Variants in MYT1 observed in about 807,000 individuals in gnomAD.
MYT1 encodes myelin transcription factor I.
In MYT1, 23 loss-of-function variants were observed where a neutral mutation model predicts 123.0. The ratio of observed to expected loss-of-function variants is 0.19; its 90% CI spans 0.13 to 0.26. The LOEUF is 0.26. Among genes scored for constraint, MYT1 ranks in the 10% least tolerant of loss-of-function variants. The pLI, the probability that MYT1 is intolerant of heterozygous loss-of-function variation, is 1.00. For missense variants in MYT1, 1,125 were observed against 1,472.5 expected, an observed-to-expected ratio of 0.76 and a Z score of 3.86; for synonymous variants, 518 against 575.3, an observed-to-expected ratio of 0.90 and a Z score of 1.43.
At chr20:64,181,376 C>T (rs1387014254) in intron 1 of MYT1, among the ~76,000 whole-genome samples, 2 of 152,162 alleles carry the variant, frequency 1.3e-5, no homozygotes, top group South Asian at 4.1e-4. Flanking sequence ...CCTCACTCAG[C>T]GTTTCCTCCG....
chr20:64,222,828 C>T lies in MYT1; in HGVS notation c.2397-283C>T, dbSNP rs535013689. Among the ~76,000 whole-genome samples the T allele has an allele frequency of 3.9e-4, 59 of 152,370 alleles. 2 individuals carry two copies. Among genetic ancestry groups the T allele is most frequent in the Middle Eastern group, 3.4e-3 (1 of 294 alleles). On this transcript the variant is annotated intron_variant, in intron 14 of 22. Coordinates refer to ENST00000328439, the MANE Select transcript of MYT1 (RefSeq NM_004535.3). The stretch of plus-strand genomic sequence containing the variant: ...GAAGGAGCTCCTCTGCCTAAATATT[C>T]GTGGGCACATACACGTGCACACACA...
rs902062554 is a variant in MYT1 at position 64,185,664 on chromosome 20, C to A, written c.-98-4399C>A. Among the ~76,000 whole-genome samples, 1 of 152,164 alleles carries A rather than the reference C, an allele frequency of 6.6e-6. No individual in the cohort carries two copies. The highest frequency in any genetic ancestry group is 1.5e-5 in the Non-Finnish European group (1 of 68,016). ...GGGATGCACCATGGGGGCAGGTGGG[C>A]TCAGGCCAGATTCCAGGCTACCGAG... is the stretch of plus-strand genomic sequence containing the variant. On this transcript the variant is annotated intron_variant, in intron 1 of 22. Transcript: ENST00000328439. The surrounding 1 kb of genome is among the most constrained non-coding windows in gnomAD (Gnocchi z 4.5).
Position 64,213,668 on chromosome 20 carries a change from A to T in MYT1, c.1631+21A>T, listed in dbSNP as rs1451235617. 1 of 1,600,808 alleles carries T rather than the reference A, an allele frequency of 6.2e-7. No homozygotes were observed. The highest frequency in any genetic ancestry group is 1.3e-5 in the African/African-American group (1 of 74,650). ...CTCAGGTGAGTGAGATGAGCCACAG[A>T]ACTGAAGAGGCTGCCTCCCAAATGC... On this transcript the variant is annotated intron_variant, in intron 10 of 22. Coordinates refer to ENST00000328439, the MANE Select transcript of MYT1 (RefSeq NM_004535.3). This position sits in a 1 kb window ranked among gnomAD's most constrained non-coding sequence, Gnocchi z 5.6.
chr20:64,169,918 C>T (rs546482121), intron 1 of MYT1, among the ~76,000 whole-genome samples: 95 of 152,230 alleles, frequency 6.2e-4, no homozygotes, highest in Non-Finnish European at 1.2e-3. Context: ...TGGTGTAGCT[C>T]GAATCTAAGA....
intron 1 of MYT1, among the ~76,000 whole-genome samples, chr20:64,165,930 C>G (rs1982066288): frequency 6.6e-6 from 1 of 151,922 alleles, no homozygotes; most frequent in Non-Finnish European, 1.5e-5. Flanking sequence ...CCTGGGGGGG[C>G]CCACTCGGTG....
intron 10 of MYT1, among the ~76,000 whole-genome samples, chr20:64,216,294 C>T (rs1321534212): frequency 6.6e-6 from 1 of 152,264 alleles, no homozygotes; most frequent in Non-Finnish European, 1.5e-5. Context: ...AGAAGCTCCT[C>T]TGTGCCTGTG....
rs901348046 is a variant in MYT1 at position 64,191,934 on chromosome 20, A to T, written c.-1+1774A>T. 1 of 152,176 alleles carries T rather than the reference A, an allele frequency of 6.6e-6. No homozygotes were observed. Among genetic ancestry groups the T allele is most frequent in the African/African-American group, 2.4e-5 (1 of 41,422 alleles). The allele number at this position is 152,176 out of a possible 1,614,324, so 9.4% of individuals were successfully genotyped here. The stretch of plus-strand genomic sequence containing the variant: ...CCTCACCCTACCCCAGATCCTGAGG[A>T]TTCACATAGCGCTGTACTGGCATGA... On this transcript the variant is annotated intron_variant, in intron 2 of 22. Coordinates refer to ENST00000328439, the MANE Select transcript of MYT1 (RefSeq NM_004535.3). This position sits in a 1 kb window ranked among gnomAD's most constrained non-coding sequence, Gnocchi z 4.1.
intron 22 of MYT1, 62 bp downstream of exon 22, chr20:64,239,965 G>C (rs1388935873): frequency 2.1e-5 from 33 of 1,587,430 alleles, no homozygotes; most frequent in Middle Eastern, 1.7e-4. Context: ...CGGAAAGCAG[G>C]AGGGCAGGGC....
In MYT1 at chr20:64,185,810, G is replaced by T. The variant is rs887825049; in HGVS notation, c.-98-4253G>T. On this transcript the variant is annotated intron_variant, in intron 1 of 22. Coordinates refer to ENST00000328439, the MANE Select transcript of MYT1 (RefSeq NM_004535.3). The surrounding 1 kb of genome is among the most constrained non-coding windows in gnomAD (Gnocchi z 4.5). The stretch of plus-strand genomic sequence containing the variant: ...GGCAGTGGGTCAGCCGGCAGCTGGG[G>T]TGTTAGCTCTGGGACAAGGGGGCTC... 1.3e-5 allele frequency among the ~76,000 whole-genome samples: 2 copies of T among 152,228 alleles called. No individual in the cohort carries two copies. The highest frequency in any genetic ancestry group is 6.5e-5 in the Admixed American group (1 of 15,282).
Position 64,185,482 on chromosome 20 carries a change from C to T in MYT1, c.-98-4581C>T, listed in dbSNP as rs984372264. On this transcript the variant is annotated intron_variant, in intron 1 of 22. Transcript: ENST00000328439. The surrounding 1 kb of genome is among the most constrained non-coding windows in gnomAD (Gnocchi z 4.5). ...CCTAGTGAAGACTGAAAACATGTGGCTTTCCACACTTACCACCTGGCCTCT... is the reference window on the plus strand; with the variant it reads ...CCTAGTGAAGACTGAAAACATGTGGTTTTCCACACTTACCACCTGGCCTCT... Among the ~76,000 whole-genome samples the T allele has an allele frequency of 6.6e-6, 1 of 152,240 alleles. No homozygotes were observed. The highest frequency in any genetic ancestry group is 2.4e-5 in the African/African-American group (1 of 41,456).
chr20:64,224,496 G>A (rs6011348), intron 16 of MYT1, among the ~76,000 whole-genome samples: 1 of 152,172 alleles, frequency 6.6e-6, no homozygotes, highest in Admixed American at 6.5e-5. Context: ...TGTGTCATGA[G>A]GCCCTTCAGT....
At chr20:64,226,580 C>T (rs1359017727) in intron 16 of MYT1, among the ~76,000 whole-genome samples, 1 of 152,160 alleles carries the variant, frequency 6.6e-6, no homozygotes, top group African/African-American at 2.4e-5. Flanking sequence ...GCAGGCCTGA[C>T]GGGGGATGGA....
intron 14 of MYT1, among the ~76,000 whole-genome samples, chr20:64,222,406 A>T (rs547695326): frequency 6.6e-6 from 1 of 152,352 alleles, no homozygotes; most frequent in East Asian, 1.9e-4. Flanking sequence ...CTGAGGCCGC[A>T]GCTGGGCACG....
At chr20:64,180,008 C>T (rs377598583) in intron 1 of MYT1, among the ~76,000 whole-genome samples, 75 of 151,612 alleles carry the variant, frequency 4.9e-4, no homozygotes, top group East Asian at 1.8e-3. Context: ...ACGCCACACA[C>T]GCTACACACA....
intron 16 of MYT1, among the ~76,000 whole-genome samples, chr20:64,224,095 TC>T (rs1479529998): frequency 6.6e-6 from 1 of 152,174 alleles, no homozygotes; most frequent in Non-Finnish European, 1.5e-5. Context: ...TTTTCATGCC[TC>T]CAGTTGTGCT....
chr20:64,203,677 A>G lies in MYT1; in HGVS notation c.87-1358A>G, dbSNP rs1302970847. Reference sequence around the variant, plus strand: ...CATGGCTGCTGTTGAGCCAGGGGATAGGGTAAGGCCTGGATTCTGCTGACG... The same window carrying G: ...CATGGCTGCTGTTGAGCCAGGGGATGGGGTAAGGCCTGGATTCTGCTGACG... On this transcript the variant is annotated intron_variant, in intron 4 of 22. Transcript: ENST00000328439. This position sits in a 1 kb window ranked among gnomAD's most constrained non-coding sequence, Gnocchi z 5.1. Among the ~76,000 whole-genome samples, 2 of 152,154 alleles carry G rather than the reference A, an allele frequency of 1.3e-5. No homozygotes were observed. The highest frequency in any genetic ancestry group is 4.8e-5 in the African/African-American group (2 of 41,448).
intron 10 of MYT1, among the ~76,000 whole-genome samples, chr20:64,215,227 G>A (rs1983802174): frequency 6.6e-6 from 1 of 152,158 alleles, no homozygotes; most frequent in African/African-American, 2.4e-5. Flanking sequence ...GCCAGGCAGG[G>A]GTGTCAAACA....
At position 64,218,812 on chromosome 20, in the gene MYT1, G is replaced by A. The variant is rs768985670; in HGVS notation, c.1847-99G>A. 2 of 1,529,928 alleles carry A rather than the reference G, an allele frequency of 1.3e-6. No individual in the cohort carries two copies. Among genetic ancestry groups the A allele is most frequent in the Non-Finnish European group, 1.8e-6 (2 of 1,113,288 alleles). The allele number at this position is 1,529,928 out of a possible 1,614,324, so 94.8% of individuals were successfully genotyped here. A position where few individuals can be genotyped will look rare whatever the true frequency, so the allele number is the denominator to read the frequency against. On this transcript the variant is annotated intron_variant, in intron 11 of 22. Coordinates refer to ENST00000328439, the MANE Select transcript of MYT1 (RefSeq NM_004535.3). This position sits in a 1 kb window ranked among gnomAD's most constrained non-coding sequence, Gnocchi z 4.0. The stretch of plus-strand genomic sequence containing the variant: ...TTTTCAAGTTGTATATCAGCCTGGT[G>A]TTGTTCCCTTTTTGCAGCCAAACCT...
chr20:64,203,914 G>A lies in MYT1; in HGVS notation c.87-1121G>A, dbSNP rs1983399925. 6.6e-6 allele frequency among the ~76,000 whole-genome samples: 1 copy of A among 152,240 alleles called. No homozygotes were observed. Among genetic ancestry groups the A allele is most frequent in the Non-Finnish European group, 1.5e-5 (1 of 68,052 alleles). On this transcript the variant is annotated intron_variant, in intron 4 of 22. Coordinates refer to ENST00000328439, the MANE Select transcript of MYT1 (RefSeq NM_004535.3). The surrounding 1 kb of genome is among the most constrained non-coding windows in gnomAD (Gnocchi z 5.1). ...GCTCCGGAAGATGTGCTTGGGTTTTGGAAAGAGCTCAGACTCACAATGCCA... is the reference window on the plus strand; with the variant it reads ...GCTCCGGAAGATGTGCTTGGGTTTTAGAAAGAGCTCAGACTCACAATGCCA...
Sources: allele counts gnomAD v4.1 joint callset (sites outside exome capture counted in the v4.1 genomes callset), GRCh38; gene constraint gnomAD v4.1.1; non-coding constraint Gnocchi (gnomAD v3.1); transcripts MANE v1.5; gene names NCBI Gene and HGNC (gene_info 2026-07-23, HGNC 2026-07-21).